Variants in OTOP1 observed in about 807,000 individuals in gnomAD.
The protein encoded by OTOP1 is proton channel OTOP1.
A neutral mutation model predicts 52.9 loss-of-function variants in OTOP1; 59 were observed. The observed-to-expected ratio is 1.12, with a 90% CI of 0.91 to 1.39. The LOEUF is 1.39. OTOP1 is among the 40% of genes most tolerant of loss of function. The pLI, the probability that OTOP1 is intolerant of heterozygous loss-of-function variation, is 0.00. For missense variants in OTOP1, 761 were observed against 800.9 expected (o/e 0.95, Z 0.60); for synonymous variants, 317 against 337.7 (o/e 0.94, Z 0.67).
chr4:4,192,930 CAGACG>C (rs1224932363), intron 5 of OTOP1, among the ~76,000 whole-genome samples: 4 of 152,060 alleles, frequency 2.6e-5, no homozygotes, highest in Non-Finnish European at 5.9e-5. Flanking sequence ...TCAGTTTTGC[CAGACG>C]AGAATAACCT....
rs887659669 is a variant in OTOP1, at chr4:4,197,678, C to G, written c.1156G>C (p.Ala386Pro). 13 of 1,613,470 alleles carry G rather than the reference C, an allele frequency of 8.1e-6. No homozygotes were observed. Among genetic ancestry groups the G allele is most frequent in the Non-Finnish European group, 1.1e-5 (13 of 1,179,980 alleles). The part of the protein sequence containing the change: ...EKSLDESKNP[A>P]RKLDSDLLVG... ...AAGAGGTCCGAGTCCAGTTTGCGGG[C>G]CGGATTTTTGGACTCATCCAGTGAC... The change falls in exon 5 of 6, where the codon GCC becomes CCC. Residue 386 changes from alanine to proline, a missense_variant. By Grantham distance (27) the Ala-to-Pro change is conservative (BLOSUM62 -1). Coordinates refer to ENST00000296358, the MANE Select transcript of OTOP1 (RefSeq NM_177998.3).
intron 1 of OTOP1, among the ~76,000 whole-genome samples, chr4:4,216,315 T>A (rs11935904): frequency 0.028 from 4,209 of 152,152 alleles, 179 homozygotes; most frequent in African/African-American, 0.095. Context: ...TGGTGACAAA[T>A]GAAGAAATTA....
intron 1 of OTOP1, among the ~76,000 whole-genome samples, chr4:4,221,177 T>C (rs1211044633): frequency 6.6e-6 from 1 of 151,736 alleles, no homozygotes; most frequent in Non-Finnish European, 1.5e-5. Flanking sequence ...CCTCCTGGGT[T>C]CAAGCAATTC....
chr4:4,212,938 C>G lies in OTOP1; in HGVS notation c.470G>C (p.Gly157Ala), dbSNP rs780472834. The part of the protein sequence containing the change: ...LGCLKIGYFI[G>A]FSECLSATEG... ...AGTGGCTGATAAACATTCTGAAAAT[C>G]CAATGAAGTATCCAATTTTAAGGCA... Residue 157 changes from glycine to alanine, a missense_variant, in exon 2 of 6, where the codon GGA (glycine) becomes GCA (alanine). Around this residue, in one of 3 missense-constraint regions of OTOP1, gnomAD observed 632 missense variants for 619.5 expected, o/e 1.02. Coordinates refer to ENST00000296358, the MANE Select transcript of OTOP1 (RefSeq NM_177998.3). 1.2e-6 allele frequency: 2 copies of G among 1,613,952 alleles called. No homozygotes were observed. The highest frequency in any genetic ancestry group is 1.7e-6 in the Non-Finnish European group (2 of 1,179,892).
In OTOP1 at chr4:4,188,859, T is replaced by C; in HGVS notation, c.1783A>G (p.Ile595Val). 11 of 1,613,764 alleles carry C rather than the reference T, an allele frequency of 6.8e-6. No individual in the cohort carries two copies. Among genetic ancestry groups the C allele is most frequent in the South Asian group, 1.1e-5 (1 of 91,056 alleles). Reference protein sequence around the residue: ...IVVNLAMPFSIFYRMHAAASL... With the variant: ...IVVNLAMPFSVFYRMHAAASL... ...GCAGCTGCGTGCATTCGATAGAAAA[T>C]AGAAAAAGGCATGGCCAGGTTGACC... Residue 595 changes from isoleucine to valine, a missense_variant, in exon 6 of 6, where the codon ATT becomes GTT. Transcript: ENST00000296358.
chr4:4,214,659 T>G (rs1160394066), intron 1 of OTOP1, among the ~76,000 whole-genome samples: 1 of 152,196 alleles, frequency 6.6e-6, no homozygotes, highest in Non-Finnish European at 1.5e-5. Context: ...ACAGTATGGA[T>G]GAGCCATGAG....
At chr4:4,200,893 T>A (rs1485997874) in intron 4 of OTOP1, among the ~76,000 whole-genome samples, 1 of 152,096 alleles carries the variant, frequency 6.6e-6, no homozygotes, top group Non-Finnish European at 1.5e-5. Flanking sequence ...CCCTAGCACT[T>A]ACAATTCAAT....
chr4:4,220,296 T>C (rs1717273668), intron 1 of OTOP1, among the ~76,000 whole-genome samples: 1 of 151,716 alleles, frequency 6.6e-6, no homozygotes. Flanking sequence ...ATAGATCAAG[T>C]AGACAAAATA....
intron 1 of OTOP1, among the ~76,000 whole-genome samples, chr4:4,226,104 T>C (rs1261945516): frequency 6.6e-6 from 1 of 152,088 alleles, no homozygotes; most frequent in Non-Finnish European, 1.5e-5. Context: ...AAACGGGCCC[T>C]CGGGGGCCGA....
intron 4 of OTOP1, among the ~76,000 whole-genome samples, chr4:4,199,727 T>G (rs1716737925): frequency 6.6e-6 from 1 of 152,190 alleles, no homozygotes; most frequent in East Asian, 1.9e-4. Flanking sequence ...TGTGTTTTAA[T>G]ATTAAGAAAG....
In OTOP1 at chr4:4,214,006, CT is replaced by C. The variant is rs201640176; in HGVS notation, c.404-1003del. Among the ~76,000 whole-genome samples, 575 of 152,286 alleles carry C rather than the reference CT, an allele frequency of 3.8e-3. 20 individuals are homozygous for C. The East Asian group carries it at 0.044, about 12-fold the overall frequency. On this transcript the variant is annotated intron_variant, in intron 1 of 5. Coordinates refer to ENST00000296358, the MANE Select transcript of OTOP1 (RefSeq NM_177998.3). ...TTGGGATGCTGAGGCAGGAGAATCC[CT>C]TGAACCAGGGAGGCAGAGGTTGCAG...
chr4:4,195,708 G>A (rs1404928775), intron 5 of OTOP1, among the ~76,000 whole-genome samples: 4 of 152,188 alleles, frequency 2.6e-5, no homozygotes, highest in South Asian at 2.1e-4. Flanking sequence ...AAGACACTGC[G>A]AATCAAATTG....
intron 5 of OTOP1, among the ~76,000 whole-genome samples, chr4:4,195,322 G>C (rs1716597782): frequency 6.6e-6 from 1 of 152,172 alleles, no homozygotes; most frequent in African/African-American, 2.4e-5. Context: ...TTGATAACCT[G>C]GTGAACTTCC....
intron 5 of OTOP1, among the ~76,000 whole-genome samples, chr4:4,191,946 AAAGG>A (rs1716518228): frequency 6.6e-6 from 1 of 152,186 alleles, no homozygotes; most frequent in Non-Finnish European, 1.5e-5. Flanking sequence ...AAATGAGAAG[AAAGG>A]AAGGCAGGAA....
At position 4,212,948 on chromosome 4, in the gene OTOP1, A is replaced by G. The variant is rs1254261764; in HGVS notation, c.460T>C (p.Tyr154His). Residue 154 changes from tyrosine to histidine, a missense_variant, in exon 2 of 6, where the codon TAC (tyrosine) becomes CAC (histidine). Tyr to His is a moderately conservative substitution (Grantham distance 83, BLOSUM62 2). This residue lies in a region of OTOP1 where 632 missense variants were observed against 619.5 expected (regional missense o/e 1.02). Coordinates refer to ENST00000296358, the MANE Select transcript of OTOP1 (RefSeq NM_177998.3). ...AAACATTCTGAAAATCCAATGAAGT[A>G]TCCAATTTTAAGGCATCCCAGGATG... is the stretch of plus-strand genomic sequence containing the variant. The part of the protein sequence containing the change: ...TVILGCLKIG[Y>H]FIGFSECLSA... 2.5e-6 allele frequency: 4 copies of G among 1,614,108 alleles called. No individual in the cohort carries two copies. In the South Asian group the frequency reaches 4.4e-5, roughly 18 times the overall value.
At chr4:4,200,178 G>T (rs1315960196) in intron 4 of OTOP1, among the ~76,000 whole-genome samples, 1 of 152,150 alleles carries the variant, frequency 6.6e-6, no homozygotes, top group Non-Finnish European at 1.5e-5. Context: ...TTTAGTTTAT[G>T]ATATGTATAT....
At chr4:4,210,797 C>A (rs1717009277) in intron 2 of OTOP1, among the ~76,000 whole-genome samples, 1 of 152,150 alleles carries the variant, frequency 6.6e-6, no homozygotes, top group Admixed American at 6.5e-5. Flanking sequence ...CGCCATTGCA[C>A]TGCAGCCTGG....
intron 1 of OTOP1, among the ~76,000 whole-genome samples, chr4:4,214,491 T>C (rs1717093982): frequency 6.6e-6 from 1 of 152,166 alleles, no homozygotes; most frequent in African/African-American, 2.4e-5. Context: ...CCCTAGGGGA[T>C]ATCTGTATTC....
At chr4:4,210,596 C>T (rs1466810727) in intron 2 of OTOP1, among the ~76,000 whole-genome samples, 5 of 152,100 alleles carry the variant, frequency 3.3e-5, no homozygotes, top group South Asian at 4.2e-4. Flanking sequence ...TTTGGGAGGC[C>T]GAGGCAGGTG....
Sources: gnomAD v4.1 joint callset for allele counts (sites outside exome capture counted in the v4.1 genomes callset) on GRCh38, gnomAD v4.1.1 for gene constraint, gnomAD v4.1.1 regional missense constraint, MANE v1.5 for transcripts, NCBI Gene and HGNC (gene_info 2026-07-23, HGNC 2026-07-21) for gene names.